Variants in ENPP1 observed in about 807,000 individuals in gnomAD.
ENPP1 encodes ectonucleotide pyrophosphatase/phosphodiesterase family member 1.
In ENPP1, 73 loss-of-function variants were observed where a neutral mutation model predicts 122.8. The observed-to-expected ratio is 0.59, with a 90% confidence interval of 0.49 to 0.72. The LOEUF (loss-of-function observed/expected upper bound fraction) is 0.72, where lower values mean the gene tolerates loss of function less well. Ranked by LOEUF, ENPP1 falls within the 30% of genes least tolerant of loss-of-function variation. The pLI is 0.00. For missense variants in ENPP1, 978 were observed against 1,128.1 expected, an observed-to-expected ratio of 0.87 and a Z score of 1.91; for synonymous variants, 367 against 391.6, an observed-to-expected ratio of 0.94 and a Z score of 0.74.
intron 5 of ENPP1, among the ~76,000 whole-genome samples, chr6:131,852,943 A>G (rs973119102): frequency 6.6e-6 from 1 of 152,160 alleles, no homozygotes; most frequent in Non-Finnish European, 1.5e-5. Context: ...GACACCATCA[A>G]AAAGAGTATG....
intron 1 of ENPP1, among the ~76,000 whole-genome samples, chr6:131,845,434 T>G (rs1408651355): frequency 6.7e-6 from 1 of 149,294 alleles, no homozygotes; most frequent in African/African-American, 2.5e-5. Flanking sequence ...AAACAGTTTT[T>G]GTTGTTGTTT....
At chr6:131,844,034 C>G (rs1781774451) in intron 1 of ENPP1, among the ~76,000 whole-genome samples, 1 of 152,144 alleles carries the variant, frequency 6.6e-6, no homozygotes, top group Admixed American at 6.5e-5. Flanking sequence ...TATCTCTGAG[C>G]CTAACCCTCT....
chr6:131,824,425 G>A (rs1451202695), intron 1 of ENPP1, among the ~76,000 whole-genome samples: 1 of 151,480 alleles, frequency 6.6e-6, no homozygotes, highest in East Asian at 2.0e-4. Flanking sequence ...TGTTGCCAGA[G>A]CCATCTCCAG....
intron 1 of ENPP1, among the ~76,000 whole-genome samples, chr6:131,843,157 T>C (rs192784259): frequency 1.3e-5 from 2 of 152,320 alleles, no homozygotes; most frequent in African/African-American, 2.4e-5. Context: ...AAATTCAAAC[T>C]AAATTAGGTT....
At chr6:131,851,809 A>T (rs1480369005) in intron 4 of ENPP1, among the ~76,000 whole-genome samples, 1 of 152,076 alleles carries the variant, frequency 6.6e-6, no homozygotes, top group Non-Finnish European at 1.5e-5. Flanking sequence ...ACTCTATATG[A>T]GAGAGAACTA....
At chr6:131,856,127 T>C (rs1781942845) in intron 6 of ENPP1, among the ~76,000 whole-genome samples, 1 of 152,168 alleles carries the variant, frequency 6.6e-6, no homozygotes, top group Non-Finnish European at 1.5e-5. Flanking sequence ...AAGATAGTTT[T>C]GTTTTGTTTT....
chr6:131,882,277 A>T, intron 20 of ENPP1, 68 bp from the exon 21 acceptor site: 1 of 1,372,004 alleles, frequency 7.3e-7, no homozygotes, highest in Non-Finnish European at 1.0e-6. Context: ...TTCACCTTTA[A>T]ATATTAATAA....
chr6:131,880,819 C>T (rs530881409), intron 20 of ENPP1, among the ~76,000 whole-genome samples: 16 of 152,174 alleles, frequency 1.1e-4, no homozygotes, highest in African/African-American at 3.4e-4. Context: ...TAGGAAGACA[C>T]GAGCCCAAAC....
In ENPP1 at chr6:131,808,224, GGC is replaced by G. The variant is rs2114643507; in HGVS notation, c.196_197del (p.Ala66ProfsTer10). 1 of 1,513,962 alleles carries G rather than the reference GGC, an allele frequency of 6.6e-7. No homozygotes were observed. Among genetic ancestry groups the G allele is most frequent in the Non-Finnish European group, 8.8e-7 (1 of 1,131,030 alleles). 93.8% of individuals were successfully genotyped at this position (1,513,962 alleles called of 1,614,324 possible). ...TGGGGGAGGAGCCGCTGGAGAAGGCGGCGCGCGCCCGCACTGCCAAGGACCCC... is the reference window on the plus strand; with the variant it reads ...TGGGGGAGGAGCCGCTGGAGAAGGCGGCGCGCCCGCACTGCCAAGGACCCC... ...DVGEEPLEKA[A>X]RARTAKDPNT... On this transcript the variant is annotated frameshift_variant, in exon 1 of 25. Coordinates refer to ENST00000647893, the MANE Select transcript of ENPP1 (RefSeq NM_006208.3). LOFTEE classifies it high-confidence loss of function.
intron 1 of ENPP1, among the ~76,000 whole-genome samples, chr6:131,845,542 C>T (rs1427132176): frequency 2.7e-5 from 4 of 150,532 alleles, no homozygotes; most frequent in Non-Finnish European, 4.4e-5. Flanking sequence ...CTGCAACCTC[C>T]GCCTCCCGGG....
intron 24 of ENPP1, among the ~76,000 whole-genome samples, chr6:131,889,054 C>G (rs965125061): frequency 6.6e-6 from 1 of 152,144 alleles, no homozygotes; most frequent in Non-Finnish European, 1.5e-5. Context: ...TTGTAGGTAA[C>G]ACATTCTCAT....
chr6:131,808,137 C>G lies in ENPP1; in HGVS notation c.102C>G (p.Ser34Arg), dbSNP rs1781302320. Reference sequence around the variant, plus strand: ...GGAACGGCCGCGATCGGGGCCGCAGCCACGCTGCCGAGGCGCCCGGGGACC... The same window carrying G: ...GGAACGGCCGCGATCGGGGCCGCAGGCACGCTGCCGAGGCGCCCGGGGACC... ...PAGNGRDRGRSHAAEAPGDPQ... is the reference protein window; with the variant it reads ...PAGNGRDRGRRHAAEAPGDPQ... The change falls in exon 1 of 25, where the codon AGC becomes AGG. Residue 34 changes from serine to arginine, a missense_variant. By Grantham distance (110) the Ser-to-Arg change is moderately radical (BLOSUM62 -1). Transcript: ENST00000647893. The G allele has an allele frequency of 2.2e-6, 3 of 1,395,192 alleles. No individual in the cohort carries two copies. In the South Asian group the frequency reaches 4.7e-5, roughly 22 times the overall value. The allele number at this position is 1,395,192 out of a possible 1,614,324, so 86.4% of individuals were successfully genotyped here. A position where few individuals can be genotyped will look rare whatever the true frequency, so the allele number is the denominator to read the frequency against.
intron 1 of ENPP1, chr6:131,826,379 G>T (rs1377673140): frequency 1.5e-5 from 16 of 1,046,802 alleles, no homozygotes; most frequent in Non-Finnish European, 1.5e-6. Context: ...AGCTGCTAGG[G>T]CAGATTCTCA....
chr6:131,845,897 C>A (rs1228265777), intron 1 of ENPP1, among the ~76,000 whole-genome samples: 1 of 152,154 alleles, frequency 6.6e-6, no homozygotes, highest in African/African-American at 2.4e-5. Flanking sequence ...TCTGATACCT[C>A]CTTATTTTAA....
At chr6:131,887,484 C>T (rs13198901) in intron 24 of ENPP1, among the ~76,000 whole-genome samples, 2 of 150,000 alleles carry the variant, frequency 1.3e-5, no homozygotes, top group Non-Finnish European at 2.9e-5. Context: ...GCTCCGCCTT[C>T]TGGGTTCACA....
intron 1 of ENPP1, chr6:131,827,937 G>A (rs2114667201): frequency 2.0e-6 from 2 of 1,017,864 alleles, no homozygotes; most frequent in East Asian, 5.0e-5. Context: ...GTGGAGAATC[G>A]AAGCACTTAT....
At chr6:131,869,535 T>C in intron 13 of ENPP1, 46 bp downstream of exon 13, 1 of 1,592,602 alleles carries the variant, frequency 6.3e-7, no homozygotes, top group Non-Finnish European at 8.6e-7. Flanking sequence ...ATATTAAGAA[T>C]ACCTTCCTTT....
intron 6 of ENPP1, among the ~76,000 whole-genome samples, chr6:131,856,805 T>C (rs1781953064): frequency 6.6e-6 from 1 of 151,196 alleles, no homozygotes; most frequent in African/African-American, 2.5e-5. Flanking sequence ...GTTGTAGGTA[T>C]GTGGCATTAT....
intron 13 of ENPP1, among the ~76,000 whole-genome samples, chr6:131,869,771 G>A (rs758189883): frequency 1.1e-4 from 17 of 149,786 alleles, no homozygotes; most frequent in African/African-American, 3.7e-4. Flanking sequence ...TACAAGAATC[G>A]CTTGAACCCA....
Sources: allele counts gnomAD v4.1 joint callset (sites outside exome capture counted in the v4.1 genomes callset), GRCh38; gene constraint gnomAD v4.1.1; transcripts MANE v1.5; gene names NCBI Gene and HGNC (gene_info 2026-07-23, HGNC 2026-07-21).